The following DYNC1I1 variants were observed in gnomAD, a reference collection of about 807,000 sequenced individuals.
The protein encoded by DYNC1I1 is dynein cytoplasmic 1 intermediate chain 1, also known as cytoplasmic dynein 1 intermediate chain 1.
In DYNC1I1, 43 loss-of-function variants were observed where a neutral mutation model predicts 86.6. That is an observed-to-expected ratio of 0.50 (90% confidence interval 0.39 to 0.64). The LOEUF (loss-of-function observed/expected upper bound fraction) is 0.64, where lower values mean the gene tolerates loss of function less well. Among genes scored for constraint, DYNC1I1 ranks in the 30% least tolerant of loss-of-function variants. The pLI is 0.00. For synonymous variants in DYNC1I1, 262 were observed against 283.7 expected (o/e 0.92, Z 0.77); for missense variants, 604 against 788.8 (o/e 0.77, Z 2.81).
intron 1 of DYNC1I1, among the ~76,000 whole-genome samples, chr7:95,802,279 G>A (rs970672893): frequency 6.6e-6 from 1 of 151,980 alleles, no homozygotes; most frequent in African/African-American, 2.4e-5. Flanking sequence ...ATTGTTACTG[G>A]ACCTTCCTTT....
At chr7:95,951,322 T>C (rs909986780) in intron 6 of DYNC1I1, among the ~76,000 whole-genome samples, 2 of 152,130 alleles carry the variant, frequency 1.3e-5, no homozygotes, top group African/African-American at 4.8e-5. Context: ...TAAAAGGTCA[T>C]GGGCAGCATT....
intron 16 of DYNC1I1, among the ~76,000 whole-genome samples, chr7:96,105,262 A>G (rs1209380408): frequency 6.6e-6 from 1 of 151,982 alleles, no homozygotes; most frequent in Non-Finnish European, 1.5e-5. Flanking sequence ...ATCTGAAAAT[A>G]ATGAAAAGTT....
At chr7:95,997,220 T>C (rs1388397740) in intron 10 of DYNC1I1, among the ~76,000 whole-genome samples, 2 of 151,350 alleles carry the variant, frequency 1.3e-5, no homozygotes, top group Non-Finnish European at 2.9e-5. Context: ...TTTTCTTTTA[T>C]TTTTTTTAAG....
At chr7:96,010,201 A>G (rs949612942) in intron 10 of DYNC1I1, among the ~76,000 whole-genome samples, 2 of 152,122 alleles carry the variant, frequency 1.3e-5, no homozygotes. Flanking sequence ...GGTAGAATGC[A>G]TGGTACAAAA....
chr7:95,962,267 A>G (rs1457523043), intron 6 of DYNC1I1, among the ~76,000 whole-genome samples: 1 of 152,028 alleles, frequency 6.6e-6, no homozygotes, highest in Non-Finnish European at 1.5e-5. Flanking sequence ...CATAGCTTAC[A>G]CCCTCTTTCT....
chr7:96,082,210 A>G (rs981552227), intron 16 of DYNC1I1, among the ~76,000 whole-genome samples: 3 of 152,168 alleles, frequency 2.0e-5, no homozygotes, highest in African/African-American at 7.2e-5. Context: ...GTAAAACTAA[A>G]CAACAATAAC....
rs569138312 is a variant in DYNC1I1 at position 95,987,225 on chromosome 7, G to T, written c.843+70G>T. The T allele has an allele frequency of 1.5e-5, 21 of 1,386,388 alleles. No homozygotes were observed. The African/African-American group carries it at 2.7e-4, about 18-fold the overall frequency. The allele number at this position is 1,386,388 out of a possible 1,614,324, so 85.9% of individuals were successfully genotyped here. A position where few individuals can be genotyped will look rare whatever the true frequency, so the allele number is the denominator to read the frequency against. On this transcript the variant is annotated intron_variant, in intron 9 of 16. Coordinates refer to ENST00000447467, the MANE Select transcript of DYNC1I1 (RefSeq NM_001135556.2). ...GTGGCATTTGTATAAAAAAATAAGA[G>T]ATTTGTTTACTTGCCTACGATTTCC... is the stretch of plus-strand genomic sequence containing the variant.
At chr7:95,996,361 T>G (rs1273689633) in intron 10 of DYNC1I1, among the ~76,000 whole-genome samples, 1 of 152,236 alleles carries the variant, frequency 6.6e-6, no homozygotes, top group Non-Finnish European at 1.5e-5. Flanking sequence ...AATCGTGGTG[T>G]ACCACTTCCT....
At chr7:96,040,169 G>T (rs1168332418) in intron 14 of DYNC1I1, among the ~76,000 whole-genome samples, 1 of 152,068 alleles carries the variant, frequency 6.6e-6, no homozygotes, top group Non-Finnish European at 1.5e-5. Flanking sequence ...GTCAGGCAGA[G>T]GTTGCAGTGA....
chr7:95,934,951 T>G (rs1036574067), intron 6 of DYNC1I1, among the ~76,000 whole-genome samples: 14 of 151,548 alleles, frequency 9.2e-5, no homozygotes, highest in Non-Finnish European at 1.8e-4. Flanking sequence ...TGTTTTTTGT[T>G]TTGTGTGTGT....
chr7:96,096,628 C>A lies in DYNC1I1; in HGVS notation c.1777-855C>A, dbSNP rs76786859. Reference sequence around the variant, plus strand: ...TCCTTTAAAACGACTAACAAAAATTCATACATTCAGTTTGCATTGGAGGAG... The same window carrying A: ...TCCTTTAAAACGACTAACAAAAATTAATACATTCAGTTTGCATTGGAGGAG... On this transcript the variant is annotated intron_variant, in intron 16 of 16. Coordinates refer to ENST00000447467, the MANE Select transcript of DYNC1I1 (RefSeq NM_001135556.2). 1.5e-4 allele frequency among the ~76,000 whole-genome samples: 23 copies of A among 152,144 alleles called. No homozygotes were observed. The East Asian group carries it at 4.5e-3, about 29-fold the overall frequency.
intron 5 of DYNC1I1, among the ~76,000 whole-genome samples, chr7:95,855,698 A>G (rs533578138): frequency 6.6e-6 from 1 of 152,330 alleles, no homozygotes; most frequent in South Asian, 2.1e-4. Flanking sequence ...ACATGTTACT[A>G]TATTGAATAC....
At chr7:95,875,487 C>T (rs2116195413) in intron 6 of DYNC1I1, among the ~76,000 whole-genome samples, 1 of 152,302 alleles carries the variant, frequency 6.6e-6, no homozygotes, top group East Asian at 1.9e-4. Context: ...AGTTCACTCT[C>T]ATCTTTTAAA....
At position 96,097,834 on chromosome 7, in the gene DYNC1I1, G is replaced by T. The variant is rs1584320323; in HGVS notation, c.*241G>T. ...CTGTCTCAAAAATGAAGAGAAGGGG[G>T]TTATGGGTTAAGTTGCTGCCTTTTA... On this transcript the variant is annotated 3_prime_UTR_variant, in exon 17 of 17. Transcript: ENST00000447467. The T allele has an allele frequency of 8.1e-7, 1 of 1,236,660 alleles. No individual in the cohort carries two copies. The highest frequency in any genetic ancestry group is 1.0e-6 in the Non-Finnish European group (1 of 983,192). The allele number at this position is 1,236,660 out of a possible 1,614,324, so 76.6% of individuals were successfully genotyped here.
chr7:95,811,265 A>C (rs952395820), intron 3 of DYNC1I1, among the ~76,000 whole-genome samples: 2 of 152,150 alleles, frequency 1.3e-5, no homozygotes, highest in Non-Finnish European at 2.9e-5. Flanking sequence ...TGTTTTCCAT[A>C]CATTTAAGAT....
At position 95,788,213 on chromosome 7, in the gene DYNC1I1, G is replaced by T. The variant is rs931240615; in HGVS notation, c.-10+15440G>T. ...TGGGCTGCAAGGGAGGCCAAAGATA[G>T]AAATGAGAAGACCCATTAGGGGGCT... is the stretch of plus-strand genomic sequence containing the variant. On this transcript the variant is annotated intron_variant, in intron 1 of 16. Transcript: ENST00000447467. Among the ~76,000 whole-genome samples, 5 of 152,186 alleles carry T rather than the reference G, an allele frequency of 3.3e-5. No homozygotes were observed. In the South Asian group the frequency reaches 1.0e-3, roughly 31 times the overall value.
At chr7:95,851,064 G>A (rs576313310) in intron 5 of DYNC1I1, among the ~76,000 whole-genome samples, 2 of 151,884 alleles carry the variant, frequency 1.3e-5, no homozygotes, top group Non-Finnish European at 2.9e-5. Flanking sequence ...AGCCTGCCGT[G>A]CAGCTGGGAC....
At chr7:95,886,470 A>T (rs1227551876) in intron 6 of DYNC1I1, among the ~76,000 whole-genome samples, 1 of 149,852 alleles carries the variant, frequency 6.7e-6, no homozygotes, top group African/African-American at 2.5e-5. Context: ...AAGCAAAAAA[A>T]CCCATACTCA....
intron 4 of DYNC1I1, among the ~76,000 whole-genome samples, chr7:95,824,193 T>C (rs1213411070): frequency 1.3e-5 from 2 of 151,442 alleles, no homozygotes; most frequent in African/African-American, 4.9e-5. Context: ...AGTTTCGTCG[T>C]GTCGCCCAGG....
Sources: gnomAD v4.1 joint callset for allele counts (sites outside exome capture counted in the v4.1 genomes callset) on GRCh38, gnomAD v4.1.1 for gene constraint, MANE v1.5 for transcripts, NCBI Gene and HGNC (gene_info 2026-07-23, HGNC 2026-07-21) for gene names.